Variants in STX11 observed in about 807,000 individuals in gnomAD.
STX11 encodes syntaxin 11, also known as syntaxin-11.
STX11 carries 21 observed loss-of-function variants against 19.9 expected under a neutral mutation model. That is an observed-to-expected ratio of 1.06 (90% confidence interval 0.75 to 1.52). STX11 has a LOEUF of 1.52. Ranked by LOEUF, STX11 falls within the 40% of genes most tolerant of loss-of-function variation. The probability of loss-of-function intolerance (pLI) is 0.00; values close to 1 mark genes in which losing one functional copy is unlikely to be tolerated. For missense variants in STX11, 438 were observed against 405.9 expected, an observed-to-expected ratio of 1.08 and a Z score of -0.68; for synonymous variants, 193 against 174.4, an observed-to-expected ratio of 1.11 and a Z score of -0.84.
At position 144,156,000 on chromosome 6, in the gene STX11, TTCTTTCTTTCTTTC is replaced by T. The variant is rs1329940746; in HGVS notation, c.-6+5301_-6+5314del. Among the ~76,000 whole-genome samples, 140 of 112,448 alleles carry T rather than the reference TTCTTTCTTTCTTTC, an allele frequency of 1.2e-3. No individual in the cohort carries two copies. Among genetic ancestry groups the T allele is most frequent in the African/African-American group, 5.2e-3 (116 of 22,394 alleles). The allele number at this position is 112,448 out of a possible 152,430, so 73.8% of individuals were successfully genotyped here. A position where few individuals can be genotyped will look rare whatever the true frequency, so the allele number is the denominator to read the frequency against. On this transcript the variant is annotated intron_variant, in intron 1 of 1. Transcript: ENST00000367568. This position sits in a 1 kb window ranked among gnomAD's most constrained non-coding sequence, Gnocchi z 4.5. ...TTTCTTTCTTTCTTTCTTTCTTTCTTTCTTTCTTTCTTTCTCTCTTTCTCTCCTTCCTTCCTTCC... is the reference window on the plus strand; with the variant it reads ...TTTCTTTCTTTCTTTCTTTCTTTCTTTCTCTTTCTCTCCTTCCTTCCTTCC...
upstream of STX11, among the ~76,000 whole-genome samples, chr6:144,149,778 A>G (rs1013436139): frequency 1.3e-5 from 2 of 151,880 alleles, no homozygotes; most frequent in African/African-American, 4.8e-5. This position sits in a 1 kb window ranked among gnomAD's most constrained non-coding sequence, Gnocchi z 5.1. Flanking sequence ...GCCCGGCCCG[A>G]TTTTTCCTTT....
upstream of STX11, among the ~76,000 whole-genome samples, chr6:144,146,416 C>T (rs543295998): frequency 1.3e-5 from 2 of 152,216 alleles, no homozygotes; most frequent in South Asian, 2.1e-4. The surrounding 1 kb of genome is among the most constrained non-coding windows in gnomAD (Gnocchi z 4.4). Flanking sequence ...AGATCAATTG[C>T]GGAAGATAAT....
rs927090902 is a variant in STX11, at chr6:144,174,671, G to A, written c.-5-11952G>A. 1.3e-5 allele frequency among the ~76,000 whole-genome samples: 2 copies of A among 151,986 alleles called. No individual in the cohort carries two copies. The highest frequency in any genetic ancestry group is 4.8e-5 in the African/African-American group (2 of 41,360). On this transcript the variant is annotated intron_variant, in intron 1 of 1. Transcript: ENST00000367568. The surrounding 1 kb of genome is among the most constrained non-coding windows in gnomAD (Gnocchi z 5.3). ...TGAGTCCCTGTGCCTGGCCAGAAAA[G>A]TTTTTTTTGCACCCTTTCACAAAGA... is the stretch of plus-strand genomic sequence containing the variant.
At position 144,190,661 on chromosome 6, in the gene STX11, G is replaced by A. The variant is rs1339525568; in HGVS notation, c.*3170G>A. On this transcript the variant is annotated 3_prime_UTR_variant, in exon 2 of 2. Coordinates refer to ENST00000367568, the MANE Select transcript of STX11 (RefSeq NM_003764.4). Reference sequence around the variant, plus strand: ...TGTGTATATCCAAACATGTCCTGAAGAAGAAATGAGATGTTCCACCAAAAA... The same window carrying A: ...TGTGTATATCCAAACATGTCCTGAAAAAGAAATGAGATGTTCCACCAAAAA... Among the ~76,000 whole-genome samples, 1 of 151,776 alleles carries A rather than the reference G, an allele frequency of 6.6e-6. No individual in the cohort carries two copies. Among genetic ancestry groups the A allele is most frequent in the Non-Finnish European group, 1.5e-5 (1 of 67,968 alleles).
the STX11 span, among the ~76,000 whole-genome samples, chr6:144,141,385 C>T: frequency 2.0e-5 from 3 of 152,132 alleles, no homozygotes; most frequent in African/African-American, 7.2e-5. Context: ...AGTGTCAATT[C>T]AGGAATTATA....
chr6:144,161,995 G>A (rs1801354182), intron 1 of STX11, among the ~76,000 whole-genome samples: 1 of 152,154 alleles, frequency 6.6e-6, no homozygotes. Context: ...AAGGAGGAGG[G>A]TTTGAAGGTG....
chr6:144,145,412 TC>T, the STX11 span, among the ~76,000 whole-genome samples: 1 of 152,172 alleles, frequency 6.6e-6, no homozygotes, highest in Middle Eastern at 3.2e-3. Flanking sequence ...TGGGTATATA[TC>T]CAAAGGAAAT....
rs1219817814 is a variant in STX11 at position 144,154,915 on chromosome 6, AT to A, written c.-6+4216del. The stretch of plus-strand genomic sequence containing the variant: ...TAGATTCTTTTGTCTGAACAGCAGT[AT>A]TTTGACCAACAACCCTGTCCACCCG... On this transcript the variant is annotated intron_variant, in intron 1 of 1. Coordinates refer to ENST00000367568, the MANE Select transcript of STX11 (RefSeq NM_003764.4). The surrounding 1 kb of genome is among the most constrained non-coding windows in gnomAD (Gnocchi z 4.7). Among the ~76,000 whole-genome samples, 1 of 152,162 alleles carries A rather than the reference AT, an allele frequency of 6.6e-6. No individual in the cohort carries two copies. The highest frequency in any genetic ancestry group is 2.4e-5 in the African/African-American group (1 of 41,448).
rs1329228729 is a variant in STX11, at chr6:144,151,777, A to G, written c.-6+1074A>G. On this transcript the variant is annotated intron_variant, in intron 1 of 1. Coordinates refer to ENST00000367568, the MANE Select transcript of STX11 (RefSeq NM_003764.4). The surrounding 1 kb of genome is among the most constrained non-coding windows in gnomAD (Gnocchi z 4.6). ...TCTCTAAAATCAAAATATTTCAGACAGTTTGTGTTTACTAAATTGGTGCTA... is the reference window on the plus strand; with the variant it reads ...TCTCTAAAATCAAAATATTTCAGACGGTTTGTGTTTACTAAATTGGTGCTA... Among the ~76,000 whole-genome samples the G allele has an allele frequency of 6.6e-6, 1 of 152,226 alleles. No homozygotes were observed. The highest frequency in any genetic ancestry group is 1.5e-5 in the Non-Finnish European group (1 of 68,032).
intron 1 of STX11, among the ~76,000 whole-genome samples, chr6:144,163,379 C>T (rs1386337100): frequency 6.6e-6 from 1 of 152,106 alleles, no homozygotes; most frequent in Non-Finnish European, 1.5e-5. Flanking sequence ...TTGAGACTAT[C>T]TTAGGCAGCA....
rs1305149594 is a variant in STX11 at position 144,162,584 on chromosome 6, A to G, written c.-6+11881A>G. On this transcript the variant is annotated intron_variant, in intron 1 of 1. Transcript: ENST00000367568. This position sits in a 1 kb window ranked among gnomAD's most constrained non-coding sequence, Gnocchi z 4.6. ...AAGCTATTAGCACTTACAAGCAGATACATTCATCAGAACAGTTGTTTACTG... is the reference window on the plus strand; with the variant it reads ...AAGCTATTAGCACTTACAAGCAGATGCATTCATCAGAACAGTTGTTTACTG... Among the ~76,000 whole-genome samples, 1 of 152,218 alleles carries G rather than the reference A, an allele frequency of 6.6e-6. No individual in the cohort carries two copies. The highest frequency in any genetic ancestry group is 6.5e-5 in the Admixed American group (1 of 15,290).
rs59027837 is a variant in STX11 at position 144,160,368 on chromosome 6, T to A, written c.-6+9665T>A. ...CATAAATTGTAAGCTTAGGGTAAGG[T>A]TTGAGACTTCCTGATTTTTAACTTT... On this transcript the variant is annotated intron_variant, in intron 1 of 1. Transcript: ENST00000367568. The surrounding 1 kb of genome is among the most constrained non-coding windows in gnomAD (Gnocchi z 4.3). 0.16 allele frequency among the ~76,000 whole-genome samples: 24,736 copies of A among 152,090 alleles called. 3,922 individuals are homozygous for A. The highest frequency in any genetic ancestry group is 0.4 in the African/African-American group (16,427 of 41,422).
intron 1 of STX11, among the ~76,000 whole-genome samples, chr6:144,161,448 A>T (rs1584024226): frequency 6.6e-6 from 1 of 151,974 alleles, no homozygotes; most frequent in Non-Finnish European, 1.5e-5. Flanking sequence ...GCTCACTGCA[A>T]CCCCCGCCTC....
Position 144,182,251 on chromosome 6 carries a change from G to A in STX11, c.-5-4372G>A, listed in dbSNP as rs1191217970. On this transcript the variant is annotated intron_variant, in intron 1 of 1. Transcript: ENST00000367568. This position sits in a 1 kb window ranked among gnomAD's most constrained non-coding sequence, Gnocchi z 4.8. ...AGTGTATACACTTTTAACCTTTTTG[G>A]AGACATTCTTAGGAATAGCAGTCTC... Among the ~76,000 whole-genome samples the A allele has an allele frequency of 1.3e-5, 2 of 152,002 alleles. No homozygotes were observed. The highest frequency in any genetic ancestry group is 3.9e-4 in the East Asian group (2 of 5,188).
chr6:144,155,996 TTCTTTCTTTCTTTCTTTCTC>T lies in STX11; in HGVS notation c.-6+5301_-6+5320del, dbSNP rs1801139150. On this transcript the variant is annotated intron_variant, in intron 1 of 1. Transcript: ENST00000367568. The surrounding 1 kb of genome is among the most constrained non-coding windows in gnomAD (Gnocchi z 4.5). ...TTTCTTTCTTTCTTTCTTTCTTTCTTTCTTTCTTTCTTTCTTTCTCTCTTTCTCTCCTTCCTTCCTTCCTT... is the reference window on the plus strand; with the variant it reads ...TTTCTTTCTTTCTTTCTTTCTTTCTTTCTTTCTCTCCTTCCTTCCTTCCTT... Among the ~76,000 whole-genome samples, 2 of 124,450 alleles carry T rather than the reference TTCTTTCTTTCTTTCTTTCTC, an allele frequency of 1.6e-5. No homozygotes were observed. Among genetic ancestry groups the T allele is most frequent in the Non-Finnish European group, 3.1e-5 (2 of 64,258 alleles). 81.6% of individuals were successfully genotyped at this position (124,450 alleles called of 152,430 possible).
chr6:144,187,326 G>C lies in STX11; in HGVS notation c.699G>C (p.Val233=), dbSNP rs140973625. The change falls in exon 2 of 2, where the codon GTG becomes GTC. Residue 233 remains valine, a synonymous_variant. Coordinates refer to ENST00000367568, the MANE Select transcript of STX11 (RefSeq NM_003764.4). The surrounding 1 kb of genome is among the most constrained non-coding windows in gnomAD (Gnocchi z 5.6). ...ACGAGCTCTTCTTGCAGATGGCGGT[G>C]CTGGTGGAGAAGCAGGCCGACACCC... ...DVHELFLQMA[V]LVEKQADTLN... 44 of 1,611,172 alleles carry C rather than the reference G, an allele frequency of 2.7e-5. No individual in the cohort carries two copies. In the African/African-American group the frequency reaches 5.1e-4, roughly 19 times the overall value.
At chr6:144,142,193 C>T in the STX11 span, among the ~76,000 whole-genome samples, 11 of 151,792 alleles carry the variant, frequency 7.2e-5, no homozygotes, top group East Asian at 1.6e-3. Flanking sequence ...TAATATACGA[C>T]GATGTGAATA....
chr6:144,140,241 TATA>T, the STX11 span, among the ~76,000 whole-genome samples: 3 of 50,170 alleles, frequency 6.0e-5, no homozygotes, highest in African/African-American at 4.2e-4. Flanking sequence ...TATATATATA[TATA>T]TATATATATA....
At position 144,187,612 on chromosome 6, in the gene STX11, T is replaced by C. The variant is rs1001870675; in HGVS notation, c.*121T>C. The C allele has an allele frequency of 1.5e-6, 2 of 1,372,308 alleles. No individual in the cohort carries two copies. Among genetic ancestry groups the C allele is most frequent in the Non-Finnish European group, 2.0e-6 (2 of 997,652 alleles). 85.0% of individuals were successfully genotyped at this position (1,372,308 alleles called of 1,614,324 possible). A position where few individuals can be genotyped will look rare whatever the true frequency, so the allele number is the denominator to read the frequency against. The stretch of plus-strand genomic sequence containing the variant: ...CCAACCCTTTCCGGAACTCAGTCTT[T>C]AGAAAAGAAACGCCAGGTTCAAGAA... On this transcript the variant is annotated 3_prime_UTR_variant, in exon 2 of 2. Coordinates refer to ENST00000367568, the MANE Select transcript of STX11 (RefSeq NM_003764.4). The surrounding 1 kb of genome is among the most constrained non-coding windows in gnomAD (Gnocchi z 5.6).
Sources: gnomAD v4.1 joint callset for allele counts (sites outside exome capture counted in the v4.1 genomes callset) on GRCh38, gnomAD v4.1.1 for gene constraint, Gnocchi (gnomAD v3.1) non-coding constraint, MANE v1.5 for transcripts, NCBI Gene and HGNC (gene_info 2026-07-23, HGNC 2026-07-21) for gene names.